TOX3: variants seen among roughly 807,000 people sequenced by gnomAD.
TOX3 encodes the protein TOX high mobility group box family member 3, also known as CAG trinucleotide repeat-containing gene F9 protein.
Under a neutral mutation model 64.3 loss-of-function variants are expected in TOX3, and 22 were observed. The observed-to-expected ratio is 0.34, with a 90% confidence interval of 0.24 to 0.49. The LOEUF (loss-of-function observed/expected upper bound fraction) is 0.49. Ranked by LOEUF, TOX3 falls within the 20% of genes least tolerant of loss-of-function variation. TOX3 has a pLI of 0.99. For missense variants in TOX3, 661 were observed against 714.4 expected (o/e 0.93, Z 0.85); for synonymous variants, 291 against 273.6 (o/e 1.06, Z -0.63).
At chr16:52,449,358 C>G (rs964726299) in intron 4 of TOX3, among the ~76,000 whole-genome samples, 2 of 152,138 alleles carry the variant, frequency 1.3e-5, no homozygotes, top group Admixed American at 6.5e-5. Context: ...CACTGTTCCT[C>G]ACTAGCCCCC....
At chr16:52,440,693 C>T (rs1959942393) in intron 6 of TOX3, among the ~76,000 whole-genome samples, 1 of 149,634 alleles carries the variant, frequency 6.7e-6, no homozygotes, top group African/African-American at 2.4e-5. Flanking sequence ...AGTTAATTTA[C>T]TCATCTGTTC....
At chr16:52,455,800 G>T (rs904250009) in intron 3 of TOX3, among the ~76,000 whole-genome samples, 2 of 152,180 alleles carry the variant, frequency 1.3e-5, no homozygotes, top group African/African-American at 4.8e-5. Flanking sequence ...CTTGAGAAAT[G>T]AAAAGGTGGA....
chr16:52,530,739 C>G (rs1962833701), intron 1 of TOX3, among the ~76,000 whole-genome samples: 1 of 151,540 alleles, frequency 6.6e-6, no homozygotes, highest in African/African-American at 2.4e-5. Context: ...TAAGAATCTT[C>G]TAGATCACTC....
chr16:52,487,146 C>A (rs1214203813), intron 1 of TOX3, among the ~76,000 whole-genome samples: 3 of 151,886 alleles, frequency 2.0e-5, no homozygotes, highest in Non-Finnish European at 2.9e-5. Context: ...GAAGATGCAT[C>A]TTTTGGGATT....
intron 1 of TOX3, among the ~76,000 whole-genome samples, chr16:52,531,414 T>C (rs926122891): frequency 6.6e-6 from 1 of 152,204 alleles, no homozygotes; most frequent in Admixed American, 6.5e-5. Context: ...GTAAGTTTGA[T>C]ACTAAATACG....
At chr16:52,528,221 G>A (rs1359778421) in intron 1 of TOX3, among the ~76,000 whole-genome samples, 1 of 152,098 alleles carries the variant, frequency 6.6e-6, no homozygotes, top group African/African-American at 2.4e-5. Context: ...TAATACTGAT[G>A]GTAATGGTAA....
intron 1 of TOX3, among the ~76,000 whole-genome samples, chr16:52,523,036 A>G (rs537212981): frequency 3.8e-4 from 58 of 152,316 alleles, no homozygotes; most frequent in African/African-American, 1.3e-3. Context: ...ATGAATAAAT[A>G]AGGCAGAGGG....
intron 6 of TOX3, among the ~76,000 whole-genome samples, chr16:52,440,948 G>A (rs1017212465): frequency 4.6e-5 from 7 of 151,550 alleles, no homozygotes; most frequent in African/African-American, 1.7e-4. Flanking sequence ...TTTTTTAGTA[G>A]AGACAGGGTT....
intron 1 of TOX3, among the ~76,000 whole-genome samples, chr16:52,536,427 A>G (rs1359169923): frequency 1.3e-5 from 2 of 151,404 alleles, no homozygotes; most frequent in African/African-American, 4.9e-5. Context: ...GAGAATATCA[A>G]GTTCAAAAAG....
intron 1 of TOX3, among the ~76,000 whole-genome samples, chr16:52,522,992 G>A (rs1429369458): frequency 2.6e-5 from 4 of 152,154 alleles, no homozygotes; most frequent in Admixed American, 6.5e-5. Context: ...CTCTGCCTTC[G>A]CCAGGTTATG....
rs1960301825 is a variant in TOX3, at chr16:52,450,456, C to T, written c.499G>A (p.Gly167Arg). The T allele has an allele frequency of 1.9e-6, 3 of 1,613,882 alleles. No individual in the cohort carries two copies. The highest frequency in any genetic ancestry group is 1.6e-4 in the Middle Eastern group (1 of 6,084). Residue 167 changes from glycine to arginine, a missense_variant, in exon 4 of 7, where the codon GGG (glycine) becomes AGG (arginine). By Grantham distance (125) the Gly-to-Arg change is moderately radical. This residue lies in a region of TOX3 where 259 missense variants were observed against 261.2 expected (regional missense o/e 0.99). Transcript: ENST00000219746. The stretch of plus-strand genomic sequence containing the variant: ...GTGAGCTGGGCAGGAGGCATGACCC[C>T]AGAACGCGCAGCATCGGTCATGTGG... ...IVHMTDAARS[G>R]VMPPAQLTTI...
intron 2 of TOX3, among the ~76,000 whole-genome samples, chr16:52,465,002 A>ATTTTTT (rs1340719697): frequency 1.0e-3 from 62 of 60,908 alleles, no homozygotes; most frequent in African/African-American, 1.6e-3. Context: ...GTCTTAATGC[A>ATTTTTT]TTCTTTTTTT....
At chr16:52,460,622 C>A (rs1177697413) in intron 3 of TOX3, among the ~76,000 whole-genome samples, 1 of 152,240 alleles carries the variant, frequency 6.6e-6, no homozygotes. Flanking sequence ...TTTTATCAGT[C>A]CCCTGCACAT....
intron 1 of TOX3, among the ~76,000 whole-genome samples, chr16:52,526,642 AG>A (rs1962732948): frequency 6.6e-6 from 1 of 152,134 alleles, no homozygotes. Flanking sequence ...AGAGCCAGAG[AG>A]GGGACATTGT....
intron 1 of TOX3, among the ~76,000 whole-genome samples, chr16:52,545,190 C>T (rs1448035841): frequency 6.6e-6 from 1 of 152,178 alleles, no homozygotes; most frequent in African/African-American, 2.4e-5. Context: ...CTCCAGCGAT[C>T]GGCCTTTTCT....
Position 52,446,103 on chromosome 16 carries a change from A to G in TOX3, c.797T>C (p.Phe266Ser), listed in dbSNP as rs1960154500. The change falls in exon 5 of 7, where the codon TTC becomes TCC. Residue 266 changes from phenylalanine to serine, a missense_variant. This residue lies in a region of TOX3 where 103 missense variants were observed against 161.2 expected (regional missense o/e 0.64). Transcript: ENST00000219746. Reference protein sequence around the residue: ...QKPVSAYALFFRDTQAAIKGQ... With the variant: ...QKPVSAYALFSRDTQAAIKGQ... Reference sequence around the variant, plus strand: ...TTTAATTGCAGCCTGTGTGTCTCTGAAAAACAGGGCATATGCTGACACTGG... The same window carrying G: ...TTTAATTGCAGCCTGTGTGTCTCTGGAAAACAGGGCATATGCTGACACTGG... 1 of 1,613,842 alleles carries G rather than the reference A, an allele frequency of 6.2e-7. No individual in the cohort carries two copies. Among genetic ancestry groups the G allele is most frequent in the African/African-American group, 1.3e-5 (1 of 74,922 alleles).
intron 1 of TOX3, among the ~76,000 whole-genome samples, chr16:52,527,768 C>T (rs747634866): frequency 1.4e-4 from 22 of 152,102 alleles, no homozygotes; most frequent in Non-Finnish European, 1.5e-5. Flanking sequence ...TAGATAGATG[C>T]CCTTTGTAAC....
At chr16:52,538,750 C>T (rs907982410) in intron 1 of TOX3, among the ~76,000 whole-genome samples, 5 of 152,114 alleles carry the variant, frequency 3.3e-5, no homozygotes, top group Non-Finnish European at 7.4e-5. Context: ...GAATGTTAAT[C>T]ATACAAGAAG....
At chr16:52,546,498 G>A (rs1963191092) in intron 1 of TOX3, 139 bp downstream of exon 1, 2 of 764,664 alleles carry the variant, frequency 2.6e-6, no homozygotes, top group African/African-American at 3.7e-5. Context: ...GCTGGACAGA[G>A]ACGAAGGCTC....
Sources: allele counts gnomAD v4.1 joint callset (sites outside exome capture counted in the v4.1 genomes callset), GRCh38; gene constraint gnomAD v4.1.1; regional missense constraint gnomAD v4.1.1; transcripts MANE v1.5; gene names NCBI Gene and HGNC (gene_info 2026-07-23, HGNC 2026-07-21).